Variants in ATP2A1 observed in about 807,000 individuals in gnomAD.
ATP2A1 encodes the protein sarcoplasmic/endoplasmic reticulum calcium ATPase 1.
Under a neutral mutation model 109.5 loss-of-function variants are expected in ATP2A1, and 83 were observed. The ratio of observed to expected loss-of-function variants is 0.76; its 90% CI spans 0.63 to 0.91. The LOEUF (loss-of-function observed/expected upper bound fraction) is 0.91. Ranked by LOEUF, ATP2A1 falls within the 40% of genes least tolerant of loss-of-function variation. The pLI is 0.00. For synonymous variants in ATP2A1, 505 were observed against 537.6 expected (o/e 0.94, Z 0.84); for missense variants, 1,101 against 1,341.0 (o/e 0.82, Z 2.80).
chr16:28,897,150 G>A (rs1259424134), intron 12 of ATP2A1, among the ~76,000 whole-genome samples: 6 of 151,996 alleles, frequency 3.9e-5, no homozygotes, highest in African/African-American at 7.2e-5. Context: ...CACAGCAATT[G>A]CTCAGTTGCA....
chr16:28,898,261 G>A lies in ATP2A1; in HGVS notation c.1574G>A (p.Cys525Tyr). ...GCCCCTGAGGGCGTCATCGACCGCT[G>A]TAACTATGTGCGAGTTGGCACCACC... Reference protein sequence around the residue: ...KGAPEGVIDRCNYVRVGTTRV... With the variant: ...KGAPEGVIDRYNYVRVGTTRV... Residue 525 changes from cysteine (C) to tyrosine (Y), a missense_variant, in exon 14 of 23, where the codon TGT (cysteine) becomes TAT (tyrosine). Physicochemically the swap from Cys to Tyr is radical, Grantham distance 194. Coordinates refer to ENST00000395503, the MANE Select transcript of ATP2A1 (RefSeq NM_004320.6). This position sits in a 1 kb window ranked among gnomAD's most constrained non-coding sequence, Gnocchi z 4.0. 4.3e-6 allele frequency: 7 copies of A among 1,614,244 alleles called. No homozygotes were observed. The highest frequency in any genetic ancestry group is 5.9e-6 in the Non-Finnish European group (7 of 1,180,056).
At chr16:28,890,096 C>T (rs979610022) in intron 9 of ATP2A1, among the ~76,000 whole-genome samples, 3 of 151,912 alleles carry the variant, frequency 2.0e-5, no homozygotes, top group Non-Finnish European at 4.4e-5. Flanking sequence ...GAGCCGAGAT[C>T]GCGCCACTGC....
rs1964105445 is a variant in ATP2A1 at position 28,902,405 on chromosome 16, T to C, written c.2524+19T>C. Reference sequence around the variant, plus strand: ...ATCGGGGGTGAGCTGGAGGGGTTCCTCGATCCTCCCCACCCCTTGGGACTA... The same window carrying C: ...ATCGGGGGTGAGCTGGAGGGGTTCCCCGATCCTCCCCACCCCTTGGGACTA... On this transcript the variant is annotated intron_variant, in intron 17 of 22. Transcript: ENST00000395503. The surrounding 1 kb of genome is among the most constrained non-coding windows in gnomAD (Gnocchi z 4.8). 1 of 1,612,970 alleles carries C rather than the reference T, an allele frequency of 6.2e-7. No homozygotes were observed. The highest frequency in any genetic ancestry group is 1.3e-5 in the African/African-American group (1 of 74,876).
At position 28,902,439 on chromosome 16, in the gene ATP2A1, TCTGGGACAC is replaced by T. The variant is rs1400780948; in HGVS notation, c.2524+55_2524+63del. The T allele has an allele frequency of 1.3e-6, 2 of 1,597,876 alleles. No individual in the cohort carries two copies. Among genetic ancestry groups the T allele is most frequent in the Non-Finnish European group, 1.7e-6 (2 of 1,168,286 alleles). Reference sequence around the variant, plus strand: ...CCCACCCCTTGGGACTAACCCCCTCTCTGGGACACCAGCTCCCCCATGCAGGTGCTGAGA... The same window carrying T: ...CCCACCCCTTGGGACTAACCCCCTCTCAGCTCCCCCATGCAGGTGCTGAGA... On this transcript the variant is annotated intron_variant, in intron 17 of 22. Coordinates refer to ENST00000395503, the MANE Select transcript of ATP2A1 (RefSeq NM_004320.6). This position sits in a 1 kb window ranked among gnomAD's most constrained non-coding sequence, Gnocchi z 4.8.
intron 7 of ATP2A1, 33 bp downstream of exon 7, chr16:28,887,307 A>G: frequency 6.2e-7 from 1 of 1,613,300 alleles, no homozygotes. Context: ...TCACACACTC[A>G]GTCAAGCCAG....
rs1483306589 is a variant in ATP2A1, at chr16:28,900,868, G to A, written c.2052G>A (p.Lys684=). 1.2e-6 allele frequency: 2 copies of A among 1,614,194 alleles called. No homozygotes were observed. The highest frequency in any genetic ancestry group is 1.7e-6 in the Non-Finnish European group (2 of 1,180,040). The stretch of plus-strand genomic sequence containing the variant: ...TCGCCCGTGTGGAGCCCTCGCACAA[G>A]TCCAAGATTGTGGAGTACCTGCAGT... ...CCFARVEPSH[K]SKIVEYLQSY... Residue 684 remains lysine, a synonymous_variant, in exon 15 of 23, where the codon AAG becomes AAA. Transcript: ENST00000395503.
At chr16:28,887,961 T>C (rs1003853194) in intron 8 of ATP2A1, among the ~76,000 whole-genome samples, 7 of 152,252 alleles carry the variant, frequency 4.6e-5, no homozygotes, top group East Asian at 3.9e-4. Flanking sequence ...CCGCCATGCC[T>C]GGCTAATTTT....
chr16:28,900,021 G>A (rs781364891), intron 14 of ATP2A1, among the ~76,000 whole-genome samples: 3 of 151,246 alleles, frequency 2.0e-5, no homozygotes, highest in Admixed American at 6.6e-5. Context: ...TGGGCTGGGC[G>A]TGGTAGCTTA....
In ATP2A1 at chr16:28,902,954, A is replaced by G; in HGVS notation, c.2744+43A>G. On this transcript the variant is annotated intron_variant, in intron 19 of 22. Transcript: ENST00000395503. The surrounding 1 kb of genome is among the most constrained non-coding windows in gnomAD (Gnocchi z 4.8). ...ACACCCACCACCCTCCCCTGAGGCCACTGCCCACATCCTCCACTGTGCCGC... is the reference window on the plus strand; with the variant it reads ...ACACCCACCACCCTCCCCTGAGGCCGCTGCCCACATCCTCCACTGTGCCGC... The G allele has an allele frequency of 6.2e-7, 1 of 1,610,214 alleles. No homozygotes were observed. Among genetic ancestry groups the G allele is most frequent in the Non-Finnish European group, 8.5e-7 (1 of 1,178,970 alleles).
At chr16:28,887,967 AT>A (rs899972546) in intron 8 of ATP2A1, among the ~76,000 whole-genome samples, 49 of 151,784 alleles carry the variant, frequency 3.2e-4, no homozygotes, top group African/African-American at 8.9e-4. Context: ...TGCCTGGCTA[AT>A]TTTTTTATAT....
intron 10 of ATP2A1, 68 bp from the exon 11 acceptor site, chr16:28,894,437 C>T: frequency 1.3e-6 from 2 of 1,483,088 alleles, no homozygotes; most frequent in Non-Finnish European, 1.9e-6. Context: ...TTCCTGTGCC[C>T]TCTCTGCATC....
chr16:28,903,692 G>T lies in ATP2A1; in HGVS notation c.2981-8G>T. 1 of 1,612,556 alleles carries T rather than the reference G, an allele frequency of 6.2e-7. No homozygotes were observed. The highest frequency in any genetic ancestry group is 8.5e-7 in the Non-Finnish European group (1 of 1,179,116). On this transcript the variant is annotated splice_region_variant and splice_polypyrimidine_tract_variant and intron_variant, in intron 21 of 22. Coordinates refer to ENST00000395503, the MANE Select transcript of ATP2A1 (RefSeq NM_004320.6). The surrounding 1 kb of genome is among the most constrained non-coding windows in gnomAD (Gnocchi z 5.6). Reference sequence around the variant, plus strand: ...GATAACAGTGCCTCTTGTCCTCTCTGGCCATAGGATAACTGTTCCCCCTCC... The same window carrying T: ...GATAACAGTGCCTCTTGTCCTCTCTTGCCATAGGATAACTGTTCCCCCTCC...
intron 9 of ATP2A1, among the ~76,000 whole-genome samples, chr16:28,891,038 G>A (rs546264420): frequency 1.4e-4 from 22 of 152,084 alleles, no homozygotes; most frequent in Non-Finnish European, 2.5e-4. Context: ...GCTCATGCCT[G>A]TAATCTCAGC....
chr16:28,894,496 T>C lies in ATP2A1; in HGVS notation c.1185-9T>C. 6.2e-7 allele frequency: 1 copy of C among 1,613,304 alleles called. No individual in the cohort carries two copies. Among genetic ancestry groups the C allele is most frequent in the Non-Finnish European group, 8.5e-7 (1 of 1,179,802 alleles). ...TCTCTGTCCCTTCCTCCCCTGACCC[T>C]GCTGCCAGCTTGAAGAATGATAAGC... On this transcript the variant is annotated splice_polypyrimidine_tract_variant and intron_variant, in intron 10 of 22. Transcript: ENST00000395503.
chr16:28,894,045 G>C (rs559193359), intron 9 of ATP2A1, 110 bp from the exon 10 acceptor site: 1 of 875,410 alleles, frequency 1.1e-6, no homozygotes, highest in South Asian at 1.4e-5. Context: ...GTGAGTAGGA[G>C]GGAAATGGTG....
At chr16:28,893,569 A>C (rs996781976) in intron 9 of ATP2A1, among the ~76,000 whole-genome samples, 1 of 149,942 alleles carries the variant, frequency 6.7e-6, no homozygotes, top group African/African-American at 2.5e-5. Context: ...ACCATACCTT[A>C]TTGTGTTCCA....
intron 4 of ATP2A1, among the ~76,000 whole-genome samples, chr16:28,881,868 C>T (rs775848445): frequency 3.3e-5 from 5 of 151,852 alleles, no homozygotes; most frequent in Non-Finnish European, 7.4e-5. Context: ...AGCAGAGCCA[C>T]CTGTGTCTGT....
chr16:28,879,413 C>A, intron 2 of ATP2A1, 88 bp from the exon 3 acceptor site: 1 of 1,245,198 alleles, frequency 8.0e-7, no homozygotes, highest in Non-Finnish European at 1.2e-6. Context: ...AGAGCCTCCC[C>A]ACTGCAGGCC....
intron 12 of ATP2A1, among the ~76,000 whole-genome samples, chr16:28,897,668 C>G (rs573771492): frequency 2.0e-5 from 3 of 152,216 alleles, no homozygotes; most frequent in Admixed American, 2.0e-4. Flanking sequence ...CAGGGTTTCA[C>G]CATGTTGGCC....
Sources: gnomAD v4.1 joint callset for allele counts (sites outside exome capture counted in the v4.1 genomes callset) on GRCh38, gnomAD v4.1.1 for gene constraint, Gnocchi (gnomAD v3.1) non-coding constraint, MANE v1.5 for transcripts, NCBI Gene and HGNC (gene_info 2026-07-23, HGNC 2026-07-21) for gene names.